The following PLPP1 variants were observed in gnomAD, a reference collection of about 807,000 sequenced individuals.
PLPP1 encodes the protein phospholipid phosphatase 1.
PLPP1 carries 24 observed loss-of-function variants against 31.2 expected under a neutral mutation model. The observed-to-expected ratio is 0.77, with a 90% CI of 0.56 to 1.08. PLPP1 has a LOEUF of 1.08. Ranked by LOEUF, PLPP1 falls within the 50% of genes least tolerant of loss-of-function variation. The probability of loss-of-function intolerance (pLI) is 0.00; values close to 1 mark genes in which losing one functional copy is unlikely to be tolerated. For synonymous variants in PLPP1, 146 were observed against 126.3 expected, an observed-to-expected ratio of 1.16 and a Z score of -1.05; for missense variants, 319 against 342.7, an observed-to-expected ratio of 0.93 and a Z score of 0.55.
intron 1 of PLPP1, chr5:55,485,134 C>T (rs1561241841): frequency 6.6e-6 from 1 of 152,164 alleles, no homozygotes; most frequent in African/African-American, 2.4e-5. Flanking sequence ...CTGAACCTGA[C>T]AGAGTCACAG....
At chr5:55,522,691 ATTTTGTTTTGTTTTG>A (rs148739898) in intron 1 of PLPP1, among the ~76,000 whole-genome samples, 117,762 of 150,202 alleles carry the variant, frequency 0.78, 47,061 homozygotes, top group Middle Eastern at 0.87. Context: ...TAAAATAATC[ATTTTGTTTTGTTTTG>A]TTTTGTTTTG....
chr5:55,457,657 A>G (rs1035532837), intron 3 of PLPP1, among the ~76,000 whole-genome samples: 3 of 152,150 alleles, frequency 2.0e-5, no homozygotes, highest in Non-Finnish European at 4.4e-5. Context: ...CTGGGAGGCC[A>G]AGGTGGGCAG....
chr5:55,468,203 C>G (rs1433874718), intron 2 of PLPP1, 54 bp from the exon 3 acceptor site: 1 of 1,413,804 alleles, frequency 7.1e-7, no homozygotes, highest in African/African-American at 1.4e-5. Context: ...GCACTTTAAA[C>G]AAAACAAAAC....
chr5:55,430,859 C>T (rs559605096), intron 4 of PLPP1, among the ~76,000 whole-genome samples: 1 of 151,790 alleles, frequency 6.6e-6, no homozygotes, highest in African/African-American at 2.4e-5. Flanking sequence ...ATCAGAGAAA[C>T]CATTTAGGAT....
chr5:55,482,249 A>C (rs142965616), intron 1 of PLPP1, among the ~76,000 whole-genome samples: 2,895 of 151,204 alleles, frequency 0.019, 37 homozygotes, highest in Non-Finnish European at 0.029. Flanking sequence ...ATACGCATTC[A>C]ATGTAAGTCT....
chr5:55,475,834 G>A (rs1752537771), intron 1 of PLPP1, among the ~76,000 whole-genome samples: 1 of 152,080 alleles, frequency 6.6e-6, no homozygotes, highest in African/African-American at 2.4e-5. Flanking sequence ...CTTCCAAAAA[G>A]AAAACATTTT....
rs755669690 is a variant in PLPP1 at position 55,534,786 on chromosome 5, G to C, written c.-157C>G. 1.1e-4 allele frequency: 82 copies of C among 740,004 alleles called. 1 individual carries two copies. The highest frequency in any genetic ancestry group is 7.9e-4 in the Middle Eastern group (2 of 2,522). 45.8% of individuals were successfully genotyped at this position (740,004 alleles called of 1,614,324 possible). ...GAGCAGCCGAGGGCGGGCTGAGACCGGGCGGCGCTCCCACCGCCAGCAATG... is the reference window on the plus strand; with the variant it reads ...GAGCAGCCGAGGGCGGGCTGAGACCCGGCGGCGCTCCCACCGCCAGCAATG... On this transcript the variant is annotated 5_prime_UTR_variant, in exon 1 of 6. Transcript: ENST00000307259.
chr5:55,497,413 T>A (rs1324142134), intron 1 of PLPP1, among the ~76,000 whole-genome samples: 3 of 139,736 alleles, frequency 2.1e-5, no homozygotes, highest in Non-Finnish European at 3.1e-5. Flanking sequence ...TCCTGGCTAA[T>A]TTTTTCTTTT....
intron 1 of PLPP1, chr5:55,490,897 TC>T: frequency 6.6e-7 from 1 of 1,511,606 alleles, no homozygotes; most frequent in South Asian, 1.2e-5. Context: ...CCGCCCCAAC[TC>T]CATGCTTCAT....
intron 3 of PLPP1, among the ~76,000 whole-genome samples, chr5:55,466,396 C>A (rs1215118596): frequency 6.6e-6 from 1 of 152,018 alleles, no homozygotes; most frequent in East Asian, 1.9e-4. Flanking sequence ...TTCATCCCCA[C>A]TAAATACAAA....
chr5:55,502,987 C>A (rs192339985), intron 1 of PLPP1, among the ~76,000 whole-genome samples: 1 of 152,200 alleles, frequency 6.6e-6, no homozygotes, highest in East Asian at 1.9e-4. Context: ...GACTGGGTAC[C>A]CTCCTACCTC....
At chr5:55,476,145 G>T (rs887823683) in intron 1 of PLPP1, among the ~76,000 whole-genome samples, 1 of 151,526 alleles carries the variant, frequency 6.6e-6, no homozygotes, top group African/African-American at 2.4e-5. Context: ...TGCCAAGCTG[G>T]TTTGTTGGTT....
intron 1 of PLPP1, among the ~76,000 whole-genome samples, chr5:55,515,669 TA>T (rs894526575): frequency 3.3e-5 from 5 of 152,050 alleles, no homozygotes; most frequent in African/African-American, 1.2e-4. Flanking sequence ...AGTAGATCGT[TA>T]CCACTCTCTC....
chr5:55,461,188 C>G (rs1752147093), intron 3 of PLPP1, among the ~76,000 whole-genome samples: 1 of 152,120 alleles, frequency 6.6e-6, no homozygotes, highest in Non-Finnish European at 1.5e-5. Flanking sequence ...AAGTGAGACC[C>G]TGTCTCAGTT....
rs1751868489 is a variant in PLPP1, at chr5:55,450,487, G to A, written c.492-8579C>T. ...CTTAAGATAAAGGAAAGCAGAACTC[G>A]GTATATCTTGAAAATAACATGACTG... On this transcript the variant is annotated intron_variant, in intron 3 of 5. Transcript: ENST00000307259. Among the ~76,000 whole-genome samples, 3 of 152,068 alleles carry A rather than the reference G, an allele frequency of 2.0e-5. No homozygotes were observed. In the South Asian group the frequency reaches 6.2e-4, roughly 31 times the overall value.
chr5:55,481,629 G>A (rs1220928063), intron 1 of PLPP1, among the ~76,000 whole-genome samples: 8 of 152,116 alleles, frequency 5.3e-5, no homozygotes, highest in East Asian at 1.9e-4. Flanking sequence ...AAAGACCCAC[G>A]GAATAGAAAG....
At position 55,425,234 on chromosome 5, in the gene PLPP1, T is replaced by G; in HGVS notation, c.827A>C (p.Asn276Thr). 1 of 1,613,964 alleles carries G rather than the reference T, an allele frequency of 6.2e-7. No homozygotes were observed. The highest frequency in any genetic ancestry group is 1.3e-5 in the African/African-American group (1 of 75,060). The change falls in exon 6 of 6, where the codon AAT becomes ACT. Residue 276 changes from asparagine (N) to threonine (T), a missense_variant. Asn to Thr is a moderately conservative substitution (Grantham distance 65). Coordinates refer to ENST00000307259, the MANE Select transcript of PLPP1 (RefSeq NM_003711.4). The stretch of plus-strand genomic sequence containing the variant: ...AGGCTGGTGATTGCTCGGATAGTGA[T>G]TCCCAGTTGTTGGTGTTTCATGCAG... ...TTLHETPTTG[N>T]HYPSNHQP
At chr5:55,513,438 T>C (rs1217514058) in intron 1 of PLPP1, among the ~76,000 whole-genome samples, 1 of 151,908 alleles carries the variant, frequency 6.6e-6, no homozygotes, top group Non-Finnish European at 1.5e-5. Context: ...TTTTTGTATT[T>C]TTTTTCTTTT....
intron 2 of PLPP1, among the ~76,000 whole-genome samples, chr5:55,468,804 A>C (rs779019246): frequency 1.1e-4 from 17 of 152,248 alleles, no homozygotes; most frequent in Non-Finnish European, 1.6e-4. Context: ...ACTCCGTCTC[A>C]ATAAATAAAT....
Sources: allele counts gnomAD v4.1 joint callset (sites outside exome capture counted in the v4.1 genomes callset), GRCh38; gene constraint gnomAD v4.1.1; transcripts MANE v1.5; gene names NCBI Gene and HGNC (gene_info 2026-07-23, HGNC 2026-07-21).